Variants in PLEKHS1 observed in about 807,000 individuals in gnomAD.
The protein encoded by PLEKHS1 is pleckstrin homology domain-containing family S member 1.
Under a neutral mutation model 51.0 loss-of-function variants are expected in PLEKHS1, and 55 were observed. That is an observed-to-expected ratio of 1.08 (90% CI 0.87 to 1.35). The LOEUF (loss-of-function observed/expected upper bound fraction) is 1.35, where lower values mean the gene tolerates loss of function less well. PLEKHS1 is among the 40% of genes most tolerant of loss of function. PLEKHS1 has a pLI of 0.00. For missense variants in PLEKHS1, 398 were observed against 423.0 expected (o/e 0.94, Z 0.52); for synonymous variants, 153 against 144.8 (o/e 1.06, Z -0.41).
chr10:113,775,986 G>A lies in PLEKHS1; in HGVS notation c.1091+120G>A, dbSNP rs539101994. 4.5e-4 allele frequency: 288 copies of A among 643,780 alleles called. 1 individual carries two copies. The highest frequency in any genetic ancestry group is 6.7e-4 in the Non-Finnish European group (265 of 395,834). The allele number at this position is 643,780 out of a possible 1,614,324, so 39.9% of individuals were successfully genotyped here. A position where few individuals can be genotyped will look rare whatever the true frequency, so the allele number is the denominator to read the frequency against. Reference sequence around the variant, plus strand: ...ACTAGGTTTGGGGCGGGGGAGCTTGGACTGTTGACTGGCTGTTGTTACAAA... The same window carrying A: ...ACTAGGTTTGGGGCGGGGGAGCTTGAACTGTTGACTGGCTGTTGTTACAAA... On this transcript the variant is annotated intron_variant, in intron 11 of 11. Transcript: ENST00000361048.
rs146451447 is a variant in PLEKHS1 at position 113,771,014 on chromosome 10, T to C, written c.553-956T>C. ...ACACCTGTATTTTAAAACTTGACTTTTTTTCTAGAGAACATTCAGGGTCTT... is the reference window on the plus strand; with the variant it reads ...ACACCTGTATTTTAAAACTTGACTTCTTTTCTAGAGAACATTCAGGGTCTT... On this transcript the variant is annotated intron_variant, in intron 7 of 11. Transcript: ENST00000361048. 3.5e-3 allele frequency among the ~76,000 whole-genome samples: 538 copies of C among 152,312 alleles called. 6 individuals are homozygous for C. Among genetic ancestry groups the C allele is most frequent in the African/African-American group, 0.013 (523 of 41,558 alleles).
At chr10:113,753,580 A>C (rs1205119344) in intron 1 of PLEKHS1, among the ~76,000 whole-genome samples, 3 of 152,108 alleles carry the variant, frequency 2.0e-5, no homozygotes, top group Non-Finnish European at 4.4e-5. Context: ...CAGATGCCCG[A>C]GAAAAGTTGT....
intron 5 of PLEKHS1, among the ~76,000 whole-genome samples, chr10:113,767,931 T>C (rs1375875682): frequency 6.6e-6 from 1 of 152,196 alleles, no homozygotes; most frequent in Non-Finnish European, 1.5e-5. Context: ...ATCAGTAATA[T>C]TGGATTTGGA....
At chr10:113,772,637 T>TA (rs1844464653) in intron 8 of PLEKHS1, among the ~76,000 whole-genome samples, 1 of 152,178 alleles carries the variant, frequency 6.6e-6, no homozygotes, top group South Asian at 2.1e-4. Flanking sequence ...TCTTGTCAGT[T>TA]ACCACAGGAT....
chr10:113,755,475 G>T, intron 2 of PLEKHS1, 170 bp downstream of exon 2: 3 of 1,259,690 alleles, frequency 2.4e-6, no homozygotes, highest in Non-Finnish European at 3.0e-6. Flanking sequence ...ACAGTGGCAC[G>T]ATCTAAGCTC....
chr10:113,757,462 A>G (rs965380617), intron 2 of PLEKHS1, among the ~76,000 whole-genome samples: 1 of 152,230 alleles, frequency 6.6e-6, no homozygotes, highest in African/African-American at 2.4e-5. Context: ...AGTGTGTAAT[A>G]GCATTATGTC....
chr10:113,776,019 T>A (rs1047163538), intron 11 of PLEKHS1, among the ~76,000 whole-genome samples, 153 bp downstream of exon 11: 1 of 152,178 alleles, frequency 6.6e-6, no homozygotes, highest in Non-Finnish European at 1.5e-5. Context: ...AAAAAAATCT[T>A]TGAGGCAGAA....
chr10:113,761,406 A>G (rs1339282556), intron 2 of PLEKHS1, among the ~76,000 whole-genome samples: 1 of 151,960 alleles, frequency 6.6e-6, no homozygotes, highest in Non-Finnish European at 1.5e-5. Context: ...AAGTCTTTCA[A>G]TTCATAAATA....
chr10:113,766,449 AAAC>A, exon 3 of PLEKHS1: 1 of 1,601,260 alleles, frequency 6.2e-7, no homozygotes, highest in Non-Finnish European at 8.5e-7. Context: ...TGAAGTCTGC[AAAC>A]AAGATTACTT....
intron 1 of PLEKHS1, among the ~76,000 whole-genome samples, chr10:113,752,269 T>C (rs1432253526): frequency 6.6e-6 from 1 of 152,230 alleles, no homozygotes; most frequent in African/African-American, 2.4e-5. Flanking sequence ...CATTGTATCA[T>C]TGTGAAAACA....
chr10:113,772,076 G>C, exon 8 of PLEKHS1: 1 of 1,612,510 alleles, frequency 6.2e-7, no homozygotes, highest in Non-Finnish European at 8.5e-7. Flanking sequence ...ACTCCTCGAA[G>C]TGTTCTTTTA....
intron 11 of PLEKHS1, chr10:113,777,256 G>A (rs757144435): frequency 1.9e-6 from 3 of 1,612,828 alleles, no homozygotes; most frequent in African/African-American, 1.3e-5. Flanking sequence ...CCATCCAGAA[G>A]GAGGTGAGTC....
At chr10:113,778,643 C>CTTTTTTTTT (rs55821501) in intron 11 of PLEKHS1, among the ~76,000 whole-genome samples, 7 of 127,108 alleles carry the variant, frequency 5.5e-5, no homozygotes, top group South Asian at 2.5e-4. Context: ...CGTTCACTTT[C>CTTTTTTTTT]TTTTTTTTTT....
At chr10:113,764,307 G>T (rs1593019897) in intron 2 of PLEKHS1, among the ~76,000 whole-genome samples, 2 of 151,896 alleles carry the variant, frequency 1.3e-5, no homozygotes, top group African/African-American at 4.8e-5. Context: ...ACCATGTTGG[G>T]CAAGCTGGTC....
chr10:113,766,991 G>A (rs1844193888), intron 4 of PLEKHS1, among the ~76,000 whole-genome samples: 1 of 152,070 alleles, frequency 6.6e-6, no homozygotes, highest in African/African-American at 2.4e-5. Context: ...TGGATGAGAG[G>A]GAGCAGATGA....
intron 11 of PLEKHS1, among the ~76,000 whole-genome samples, chr10:113,778,923 GC>G (rs1564829976): frequency 2.0e-5 from 3 of 152,160 alleles, no homozygotes; most frequent in Non-Finnish European, 2.9e-5. Flanking sequence ...GAGCCACTGC[GC>G]CCGGCCCATT....
Position 113,772,099 on chromosome 10 carries a change from T to A in PLEKHS1, c.672+10T>A, listed in dbSNP as rs370109247. 6.2e-7 allele frequency: 1 copy of A among 1,608,746 alleles called. No homozygotes were observed. Among genetic ancestry groups the A allele is most frequent in the Non-Finnish European group, 8.5e-7 (1 of 1,178,948 alleles). On this transcript the variant is annotated intron_variant, in intron 8 of 11. Transcript: ENST00000361048. The stretch of plus-strand genomic sequence containing the variant: ...AAGTGTTCTTTTAGAGGTAACCCCT[T>A]CTTGTCCATTCATCATTTGTTTCTT...
exon 9 of PLEKHS1, chr10:113,774,305 G>C: frequency 6.3e-7 from 1 of 1,587,006 alleles, no homozygotes; most frequent in South Asian, 1.2e-5. Context: ...TGGAAGAATT[G>C]AGTGTCATTA....
chr10:113,781,682 G>GCCTTCCCAACACCT (rs1844874880), exon 12 of PLEKHS1: 1 of 52,022 alleles, frequency 1.9e-5, no homozygotes, highest in East Asian at 6.0e-4. Flanking sequence ...TCCCAACACC[G>GCCTTCCCAACACCT]CCTTCCCAAC....
Sources: allele counts gnomAD v4.1 joint callset (sites outside exome capture counted in the v4.1 genomes callset), GRCh38; gene constraint gnomAD v4.1.1; transcripts MANE v1.5; gene names NCBI Gene and HGNC (gene_info 2026-07-23, HGNC 2026-07-21).